The following NTM variants were observed in gnomAD, a reference collection of about 807,000 sequenced individuals.
NTM encodes the protein neurotrimin.
A neutral mutation model predicts 42.1 loss-of-function variants in NTM; 13 were observed. The observed-to-expected ratio is 0.31, with a 90% CI of 0.20 to 0.49. The LOEUF (loss-of-function observed/expected upper bound fraction) is 0.49. NTM is among the 20% of genes least tolerant of loss of function. The probability of loss-of-function intolerance (pLI) is 0.99; values close to 1 mark genes in which losing one functional copy is unlikely to be tolerated. For missense variants in NTM, 373 were observed against 452.8 expected (o/e 0.82, Z 1.60); for synonymous variants, 187 against 179.2 (o/e 1.04, Z -0.35).
intron 1 of NTM, among the ~76,000 whole-genome samples, chr11:131,672,255 G>A (rs1028637165): frequency 1.3e-5 from 2 of 152,216 alleles, no homozygotes; most frequent in African/African-American, 4.8e-5. Flanking sequence ...TCAAAGCATA[G>A]CACAGGCCCG....
intron 1 of NTM, among the ~76,000 whole-genome samples, chr11:131,632,405 C>T (rs1007408470): frequency 1.6e-4 from 24 of 152,092 alleles, no homozygotes; most frequent in African/African-American, 5.8e-4. Context: ...ACTTCTTCAT[C>T]TCAGTCTGAA....
intron 4 of NTM, among the ~76,000 whole-genome samples, chr11:132,227,246 G>A (rs1336926047): frequency 6.6e-6 from 1 of 152,206 alleles, no homozygotes; most frequent in Non-Finnish European, 1.5e-5. Context: ...AAGAGCAGGT[G>A]TGATTACAGC....
chr11:131,486,356 G>C (rs1546587), intron 1 of NTM, among the ~76,000 whole-genome samples: 13 of 152,048 alleles, frequency 8.5e-5, no homozygotes, highest in African/African-American at 2.9e-4. Flanking sequence ...AGGACACCAC[G>C]TTGTACAAGA....
At chr11:132,313,906 A>T (rs2095351393) in intron 6 of NTM, among the ~76,000 whole-genome samples, 1 of 152,044 alleles carries the variant, frequency 6.6e-6, no homozygotes, top group Non-Finnish European at 1.5e-5. Context: ...GGAACCTCTA[A>T]TCCTTCCAGA....
chr11:132,299,327 T>G (rs1203850509), intron 4 of NTM, among the ~76,000 whole-genome samples: 1 of 152,068 alleles, frequency 6.6e-6, no homozygotes, highest in African/African-American at 2.4e-5. Flanking sequence ...CAAAAAATAC[T>G]ATTCATTTGC....
At chr11:132,013,955 C>T (rs557652272) in intron 2 of NTM, among the ~76,000 whole-genome samples, 28 of 152,144 alleles carry the variant, frequency 1.8e-4, no homozygotes, top group African/African-American at 6.7e-4. Flanking sequence ...TTACCATACA[C>T]TGCTATTGAA....
intron 1 of NTM, among the ~76,000 whole-genome samples, chr11:131,823,413 A>G (rs1165227584): frequency 6.6e-6 from 1 of 152,164 alleles, no homozygotes; most frequent in African/African-American, 2.4e-5. Flanking sequence ...ACTGTATTAT[A>G]CACAGATTTA....
intron 3 of NTM, among the ~76,000 whole-genome samples, chr11:132,155,160 T>A (rs2072894508): frequency 6.6e-6 from 1 of 152,186 alleles, no homozygotes; most frequent in African/African-American, 2.4e-5. Flanking sequence ...GAAGTAAATT[T>A]CAGGATTTAA....
chr11:131,479,079 G>C (rs548979804), intron 1 of NTM, among the ~76,000 whole-genome samples: 2 of 152,198 alleles, frequency 1.3e-5, no homozygotes, highest in South Asian at 2.1e-4. Context: ...TTCTGGCCAT[G>C]ATGACTCAAT....
intron 1 of NTM, among the ~76,000 whole-genome samples, chr11:131,573,994 C>T (rs2137113574): frequency 6.6e-6 from 1 of 152,286 alleles, no homozygotes; most frequent in Non-Finnish European, 1.5e-5. Flanking sequence ...CCTGCAGGCT[C>T]TTTTCCTTAT....
At chr11:131,452,469 C>G (rs1250839222) in intron 1 of NTM, among the ~76,000 whole-genome samples, 1 of 152,220 alleles carries the variant, frequency 6.6e-6, no homozygotes, top group African/African-American at 2.4e-5. Flanking sequence ...TGAATTAAAA[C>G]AGGCCAGGAG....
intron 1 of NTM, among the ~76,000 whole-genome samples, chr11:131,678,039 CTTTA>C (rs1410264122): frequency 3.9e-5 from 6 of 152,320 alleles, no homozygotes; most frequent in East Asian, 1.9e-4. Context: ...ACCTTCTCAG[CTTTA>C]TTTATTTACT....
At chr11:131,610,369 A>T (rs563901667) in intron 1 of NTM, among the ~76,000 whole-genome samples, 222 of 152,222 alleles carry the variant, frequency 1.5e-3, no homozygotes, top group Non-Finnish European at 2.6e-3. Context: ...GAAACCCATT[A>T]AAAACTTTGT....
chr11:131,555,868 A>C (rs2055338166), intron 1 of NTM, among the ~76,000 whole-genome samples: 1 of 152,106 alleles, frequency 6.6e-6, no homozygotes, highest in African/African-American at 2.4e-5. Flanking sequence ...GACATCCTAA[A>C]TGCCGAGGAG....
At chr11:131,714,440 CT>C (rs1230002922) in intron 1 of NTM, among the ~76,000 whole-genome samples, 1 of 152,158 alleles carries the variant, frequency 6.6e-6, no homozygotes, top group East Asian at 1.9e-4. Flanking sequence ...ATACACCCAC[CT>C]TGGCCTCCCA....
chr11:132,074,698 A>G (rs1307809992), intron 2 of NTM, among the ~76,000 whole-genome samples: 1 of 152,236 alleles, frequency 6.6e-6, no homozygotes, highest in Non-Finnish European at 1.5e-5. Flanking sequence ...AAATGGATAA[A>G]GAAAATGTGG....
intron 2 of NTM, among the ~76,000 whole-genome samples, chr11:131,912,084 A>G (rs921430414): frequency 2.0e-5 from 3 of 152,212 alleles, no homozygotes; most frequent in Non-Finnish European, 4.4e-5. Flanking sequence ...CGCCCATGCC[A>G]TAGGGCTTTG....
intron 1 of NTM, chr11:131,660,220 G>A (rs546244551): frequency 6.5e-6 from 2 of 305,510 alleles, no homozygotes; most frequent in East Asian, 1.6e-4. Flanking sequence ...TATTGAGGCA[G>A]GGGACTGAAC....
chr11:132,121,684 CTCTGT>C (rs1432825312), intron 2 of NTM, among the ~76,000 whole-genome samples: 2 of 152,208 alleles, frequency 1.3e-5, no homozygotes, highest in Non-Finnish European at 2.9e-5. Flanking sequence ...CCTCACACAG[CTCTGT>C]GTCCCTCGAT....
Sources: gnomAD v4.1 joint callset for allele counts (sites outside exome capture counted in the v4.1 genomes callset) on GRCh38, gnomAD v4.1.1 for gene constraint, MANE v1.5 for transcripts, NCBI Gene and HGNC (gene_info 2026-07-23, HGNC 2026-07-21) for gene names.